TTLL8: variants seen among roughly 807,000 people sequenced by gnomAD.
TTLL8 encodes the protein tubulin tyrosine ligase like 8.
A neutral mutation model predicts 77.8 loss-of-function variants in TTLL8; 65 were observed. The observed-to-expected ratio is 0.84, with a 90% CI of 0.68 to 1.03. The LOEUF (loss-of-function observed/expected upper bound fraction) is 1.03. Ranked by LOEUF, TTLL8 falls within the 50% of genes least tolerant of loss-of-function variation. The pLI, the probability that TTLL8 is intolerant of heterozygous loss-of-function variation, is 0.00. For missense variants in TTLL8, 910 were observed against 1,004.5 expected, an observed-to-expected ratio of 0.91 and a Z score of 1.27; for synonymous variants, 402 against 422.8, an observed-to-expected ratio of 0.95 and a Z score of 0.60.
intron 11 of TTLL8, 48 bp from the exon 13 acceptor site, chr22:50,030,973 G>T (rs2146645833): frequency 7.7e-7 from 1 of 1,293,368 alleles, no homozygotes; most frequent in Non-Finnish European, 1.0e-6. Context: ...CCGGGATAGG[G>T]GGGGTCCCTG....
At chr22:50,050,309 G>A in intron 1 of TTLL8, 62 bp from the exon 4 acceptor site, 1 of 1,230,344 alleles carries the variant, frequency 8.1e-7, no homozygotes, top group South Asian at 1.3e-5. Context: ...GGCAGATTTT[G>A]GTTGCATGGA....
rs2061319626 is a variant in TTLL8, at chr22:50,034,277, C to T, written c.1039+68G>A. 6 of 1,300,050 alleles carry T rather than the reference C, an allele frequency of 4.6e-6. No homozygotes were observed. Among genetic ancestry groups the T allele is most frequent in the Non-Finnish European group, 5.1e-6 (5 of 989,232 alleles). The allele number at this position is 1,300,050 out of a possible 1,614,324, so 80.5% of individuals were successfully genotyped here. On this transcript the variant is annotated intron_variant, in intron 9 of 13. Coordinates refer to ENST00000266182, the Ensembl canonical transcript of TTLL8. The surrounding 1 kb of genome is among the most constrained non-coding windows in gnomAD (Gnocchi z 4.1). ...GTGCTGTGGGCCTGAAACTGTCCCT[C>T]ACTCACGGCTCCTGGCATCAAGTGT...
At chr22:50,021,384 CGTGCACTCCTCCATCTGAT>C (rs2061198660) in intron 12 of TTLL8, among the ~76,000 whole-genome samples, 1 of 111,140 alleles carries the variant, frequency 9.0e-6, no homozygotes, top group South Asian at 3.4e-4. Flanking sequence ...CATCTGATGA[CGTGCACTCCTCCATCTGAT>C]GTGCACTCCT....
exon 5 of TTLL8, chr22:50,045,917 G>T (rs572068192): frequency 2.9e-6 from 4 of 1,361,822 alleles, no homozygotes; most frequent in Non-Finnish European, 2.9e-6. Context: ...AGAAGGAGTC[G>T]GGGTTGGCCG....
intron 1 of TTLL8, among the ~76,000 whole-genome samples, chr22:50,054,172 G>T (rs1223869426): frequency 6.6e-6 from 1 of 152,194 alleles, no homozygotes; most frequent in African/African-American, 2.4e-5. Flanking sequence ...ATGACTTGGG[G>T]TTCCTCTGTG....
At chr22:50,028,542 A>G (rs1300900668) in intron 12 of TTLL8, among the ~76,000 whole-genome samples, 1 of 152,050 alleles carries the variant, frequency 6.6e-6, no homozygotes, top group African/African-American at 2.4e-5. Flanking sequence ...AGTGGGAATC[A>G]GGGAGGCGGC....
upstream of TTLL8, among the ~76,000 whole-genome samples, chr22:50,057,249 TCAGTTC>T: frequency 8.0e-6 from 1 of 125,740 alleles, no homozygotes; most frequent in African/African-American, 3.3e-5. Context: ...GGTTGAGGGA[TCAGTTC>T]TAGGTTGGGG....
chr22:50,031,176 C>G (rs2061288846), intron 11 of TTLL8, among the ~76,000 whole-genome samples: 1 of 152,188 alleles, frequency 6.6e-6, no homozygotes, highest in African/African-American at 2.4e-5. Flanking sequence ...CTCAGCTGCT[C>G]TTTTCCCGAG....
rs1164268454 is a variant in TTLL8 at position 50,044,923 on chromosome 22, G to A, written c.643+332C>T. ...GCCCCTTTGGGGAGACTCAGGCTGCGGCATCGTGGTGGCCGTGGGGTGGGG... is the reference window on the plus strand; with the variant it reads ...GCCCCTTTGGGGAGACTCAGGCTGCAGCATCGTGGTGGCCGTGGGGTGGGG... On this transcript the variant is annotated intron_variant, in intron 6 of 13. Coordinates refer to ENST00000266182, the Ensembl canonical transcript of TTLL8. This position sits in a 1 kb window ranked among gnomAD's most constrained non-coding sequence, Gnocchi z 4.2. Among the ~76,000 whole-genome samples the A allele has an allele frequency of 1.3e-5, 2 of 152,106 alleles. No homozygotes were observed. The highest frequency in any genetic ancestry group is 2.9e-5 in the Non-Finnish European group (2 of 68,038).
intron 11 of TTLL8, among the ~76,000 whole-genome samples, chr22:50,031,450 G>A (rs947926189): frequency 1.2e-4 from 18 of 152,288 alleles, no homozygotes; most frequent in Non-Finnish European, 1.5e-4. Context: ...GGGCCGCTCC[G>A]CCCGCACGCC....
chr22:50,041,576 G>A lies in TTLL8; in HGVS notation c.830+45C>T. ...ACTGCCCCGGCAGCTCCTGCAATCT[G>A]CACTCACAGCTCCGACATGTGCCAG... On this transcript the variant is annotated intron_variant, in intron 7 of 13. Coordinates refer to ENST00000266182, the Ensembl canonical transcript of TTLL8. This position sits in a 1 kb window ranked among gnomAD's most constrained non-coding sequence, Gnocchi z 4.3. 1 of 1,299,550 alleles carries A rather than the reference G, an allele frequency of 7.7e-7. No individual in the cohort carries two copies. Among genetic ancestry groups the A allele is most frequent in the Non-Finnish European group, 1.0e-6 (1 of 988,168 alleles). The allele number at this position is 1,299,550 out of a possible 1,614,324, so 80.5% of individuals were successfully genotyped here.
intron 1 of TTLL8, among the ~76,000 whole-genome samples, chr22:50,052,419 G>C (rs1207163729): frequency 6.6e-6 from 1 of 152,144 alleles, no homozygotes; most frequent in South Asian, 2.1e-4. Flanking sequence ...GGGGAAAGGG[G>C]GATTTAAAAA....
At chr22:50,024,006 C>T (rs376511582) in intron 12 of TTLL8, among the ~76,000 whole-genome samples, 31 of 152,288 alleles carry the variant, frequency 2.0e-4, no homozygotes, top group Admixed American at 7.9e-4. Flanking sequence ...GGCAACTGTG[C>T]GAGACTCTGT....
In TTLL8 at chr22:50,045,400, A is replaced by G. The variant is rs2038887693; in HGVS notation, c.509-11T>C. 7.3e-7 allele frequency: 1 copy of G among 1,364,616 alleles called. No individual in the cohort carries two copies. The highest frequency in any genetic ancestry group is 9.8e-7 in the Non-Finnish European group (1 of 1,021,764). The allele number at this position is 1,364,616 out of a possible 1,614,324, so 84.5% of individuals were successfully genotyped here. A position where few individuals can be genotyped will look rare whatever the true frequency, so the allele number is the denominator to read the frequency against. On this transcript the variant is annotated splice_polypyrimidine_tract_variant and intron_variant, in intron 5 of 13. Transcript: ENST00000266182. ...TGCGCCGGAAGTCTTCTGAAAGGAC[A>G]GCACAGCCTCGCCCTATCTGTCCGA...
At chr22:50,021,306 G>A (rs1400521644) in intron 12 of TTLL8, among the ~76,000 whole-genome samples, 3 of 130,880 alleles carry the variant, frequency 2.3e-5, no homozygotes, top group South Asian at 5.2e-4. Context: ...ATCTGACGAT[G>A]TGTACTCCTC....
chr22:50,054,296 C>T (rs1229423752), intron 1 of TTLL8, among the ~76,000 whole-genome samples: 1 of 152,128 alleles, frequency 6.6e-6, no homozygotes, highest in Non-Finnish European at 1.5e-5. Flanking sequence ...GCCCTCAGCT[C>T]CCATTTACAG....
At chr22:50,027,573 T>G in intron 12 of TTLL8, 1 of 827,408 alleles carries the variant, frequency 1.2e-6, no homozygotes, top group Non-Finnish European at 1.5e-6. Context: ...CTCCCCAAGA[T>G]CTGCAGATTC....
intron 1 of TTLL8, among the ~76,000 whole-genome samples, chr22:50,053,594 G>T (rs2061455676): frequency 6.6e-6 from 1 of 152,152 alleles, no homozygotes; most frequent in East Asian, 1.9e-4. Context: ...ACATTTAAAG[G>T]TTTCAGAAGA....
chr22:50,045,733 G>A (rs1356887261), intron 5 of TTLL8, 123 bp downstream of exon 7: 1 of 1,217,324 alleles, frequency 8.2e-7, no homozygotes, highest in Non-Finnish European at 1.1e-6. Flanking sequence ...ATGACCATGG[G>A]AGGCCTCTCC....
Sources: allele counts gnomAD v4.1 joint callset (sites outside exome capture counted in the v4.1 genomes callset), GRCh38; gene constraint gnomAD v4.1.1; non-coding constraint Gnocchi (gnomAD v3.1); transcripts MANE v1.5; gene names NCBI Gene and HGNC (gene_info 2026-07-23, HGNC 2026-07-21).